Variants in SPG11 observed in about 807,000 individuals in gnomAD.
The protein encoded by SPG11 is spatacsin.
SPG11 carries 222 observed loss-of-function variants against 274.0 expected under a neutral mutation model. The observed-to-expected ratio is 0.81, with a 90% CI of 0.73 to 0.91. The LOEUF (loss-of-function observed/expected upper bound fraction) is 0.91. Among genes scored for constraint, SPG11 ranks in the 40% least tolerant of loss-of-function variants. SPG11 has a pLI of 0.00. For synonymous variants in SPG11, 1,144 were observed against 1,039.7 expected, an observed-to-expected ratio of 1.10 and a Z score of -1.93; for missense variants, 3,114 against 2,872.7, an observed-to-expected ratio of 1.08 and a Z score of -1.92.
At chr15:44,600,745 C>T (rs1310745558) in intron 20 of SPG11, 113 bp from the exon 21 acceptor site, 1 of 1,130,466 alleles carries the variant, frequency 8.8e-7, no homozygotes, top group East Asian at 2.5e-5. Context: ...TTTTGCATCA[C>T]TACGTATCAC....
At chr15:44,606,338 C>T (rs780687802) in intron 19 of SPG11, among the ~76,000 whole-genome samples, 2 of 152,086 alleles carry the variant, frequency 1.3e-5, no homozygotes, top group Non-Finnish European at 2.9e-5. Context: ...AAACTATGTC[C>T]GCAAAGGCTA....
At chr15:44,594,189 G>A (rs2082973634) in intron 26 of SPG11, among the ~76,000 whole-genome samples, 1 of 151,846 alleles carries the variant, frequency 6.6e-6, no homozygotes, top group African/African-American at 2.4e-5. Flanking sequence ...CGCTTTGGGA[G>A]GCCGAGGTGG....
intron 7 of SPG11, among the ~76,000 whole-genome samples, chr15:44,640,468 T>C (rs901297651): frequency 3.9e-5 from 6 of 152,286 alleles, no homozygotes; most frequent in African/African-American, 1.4e-4. Context: ...AATGTAATTC[T>C]AATATAAATC....
At chr15:44,636,251 T>C (rs2084247055) in intron 7 of SPG11, among the ~76,000 whole-genome samples, 4 of 151,926 alleles carry the variant, frequency 2.6e-5, no homozygotes, top group Non-Finnish European at 5.9e-5. Context: ...CAAAAAAAGA[T>C]AAACTAGAAA....
intron 15 of SPG11, among the ~76,000 whole-genome samples, chr15:44,617,168 G>A (rs141391293): frequency 9.8e-4 from 149 of 152,272 alleles, no homozygotes; most frequent in Non-Finnish European, 1.5e-3. Flanking sequence ...CTCTCTCTGT[G>A]CTGGGTGACT....
chr15:44,661,459 C>T (rs1320646610), intron 1 of SPG11, among the ~76,000 whole-genome samples: 1 of 152,012 alleles, frequency 6.6e-6, no homozygotes, highest in Non-Finnish European at 1.5e-5. Flanking sequence ...GTGTTTTATA[C>T]TTCTAGAGTA....
At chr15:44,585,982 TG>T (rs370338778) in intron 28 of SPG11, 132 bp from the exon 29 acceptor site, 73 of 600,380 alleles carry the variant, frequency 1.2e-4, no homozygotes, top group South Asian at 1.8e-4. Flanking sequence ...AATAAAAAGC[TG>T]TTTTTTTTTT....
rs1567170353 is a variant in SPG11 at position 44,622,767 on chromosome 15, G to T, written c.2277C>A (p.Ile759=). 1 of 1,613,720 alleles carries T rather than the reference G, an allele frequency of 6.2e-7. No homozygotes were observed. The highest frequency in any genetic ancestry group is 8.5e-7 in the Non-Finnish European group (1 of 1,179,790). Reference sequence around the variant, plus strand: ...TATTTTTATTAGTTGTATAGAAGCAGATCTTGAGCAATTGGCCTTTTACAT... The same window carrying T: ...TATTTTTATTAGTTGTATAGAAGCATATCTTGAGCAATTGGCCTTTTACAT... The part of the protein sequence containing the change: ...GFDVKGQLLK[I]CFYTTNKNIR... The change falls in exon 12 of 40, where the codon ATC becomes ATA. Residue 759 remains isoleucine, a synonymous_variant. Coordinates refer to ENST00000261866, the MANE Select transcript of SPG11 (RefSeq NM_025137.4).
intron 8 of SPG11, among the ~76,000 whole-genome samples, chr15:44,632,363 G>A (rs905236905): frequency 1.1e-4 from 16 of 152,056 alleles, no homozygotes. Context: ...TTAACAAGGG[G>A]AAAATATACT....
At chr15:44,649,128 T>C in intron 6 of SPG11, 117 bp from the exon 7 acceptor site, 1 of 793,918 alleles carries the variant, frequency 1.3e-6, no homozygotes. Context: ...TATATTTATA[T>C]TTACTGGATA....
At chr15:44,639,466 G>A (rs1158073803) in intron 7 of SPG11, among the ~76,000 whole-genome samples, 2 of 152,120 alleles carry the variant, frequency 1.3e-5, no homozygotes, top group African/African-American at 4.8e-5. Flanking sequence ...CACTTCTGAA[G>A]GTCGAGGAGG....
Position 44,628,971 on chromosome 15 carries a change from G to A in SPG11, c.1892-127C>T, listed in dbSNP as rs1567174771. Reference sequence around the variant, plus strand: ...TTTTTAAATTTCAAACAATATGTCTGAGGATTTTCCTTTTTACAAGTAAGT... The same window carrying A: ...TTTTTAAATTTCAAACAATATGTCTAAGGATTTTCCTTTTTACAAGTAAGT... On this transcript the variant is annotated intron_variant, in intron 9 of 39. Transcript: ENST00000261866. The A allele has an allele frequency of 3.0e-6, 3 of 1,013,804 alleles. No homozygotes were observed. In the East Asian group the frequency reaches 7.6e-5, roughly 26 times the overall value. 62.8% of individuals were successfully genotyped at this position (1,013,804 alleles called of 1,614,324 possible). A position where few individuals can be genotyped will look rare whatever the true frequency, so the allele number is the denominator to read the frequency against.
At chr15:44,614,325 A>G (rs2083537801) in intron 16 of SPG11, among the ~76,000 whole-genome samples, 2 of 152,026 alleles carry the variant, frequency 1.3e-5, no homozygotes, top group South Asian at 4.1e-4. Context: ...TCCTAGGCTC[A>G]AAGTAATCCT....
Position 44,613,472 on chromosome 15 carries a change from C to G in SPG11, c.3103G>C (p.Glu1035Gln). 6.2e-7 allele frequency: 1 copy of G among 1,613,902 alleles called. No individual in the cohort carries two copies. The highest frequency in any genetic ancestry group is 1.1e-5 in the South Asian group (1 of 91,032). ...ACTTGTCGACACTGAACTAAAAATT[C>G]AAACCAAGGGTGTGCTTCATGTAAC... ...KELHEAHPWF[E>Q]FLVQCRQVAS... is the part of the protein sequence containing the mutation. Residue 1035 changes from glutamate to glutamine, a missense_variant, in exon 17 of 40, where the codon GAA becomes CAA. Physicochemically the swap from Glu to Gln is conservative, Grantham distance 29. Transcript: ENST00000261866.
chr15:44,644,470 C>T (rs2084548819), intron 7 of SPG11, among the ~76,000 whole-genome samples: 1 of 152,124 alleles, frequency 6.6e-6, no homozygotes, highest in Admixed American at 6.6e-5. Flanking sequence ...CAACATCATA[C>T]TGAATGGGCA....
At chr15:44,575,131 T>C (rs1017675331) in intron 30 of SPG11, 90 bp from the exon 31 acceptor site, 2 of 1,510,300 alleles carry the variant, frequency 1.3e-6, no homozygotes, top group Non-Finnish European at 1.8e-6. Context: ...TGCTTGAAGC[T>C]CCCTGCACTG....
At chr15:44,570,479 C>G (rs1397883919) in intron 34 of SPG11, 46 bp downstream of exon 34, 11 of 1,613,200 alleles carry the variant, frequency 6.8e-6, no homozygotes, top group Non-Finnish European at 8.5e-6. Context: ...CTACTACTCT[C>G]AAAGGTTTCC....
chr15:44,616,333 G>A (rs967267858), intron 15 of SPG11, among the ~76,000 whole-genome samples: 1 of 151,548 alleles, frequency 6.6e-6, no homozygotes, highest in Admixed American at 6.6e-5. Flanking sequence ...AGCCATCTGA[G>A]TAGCTGGGAC....
Position 44,618,496 on chromosome 15 carries a change from G to A in SPG11, c.2834+1694C>T, listed in dbSNP as rs1416011064. Among the ~76,000 whole-genome samples, 78 of 117,326 alleles carry A rather than the reference G, an allele frequency of 6.6e-4. 1 individual carries two copies. The East Asian group carries it at 0.017, about 26-fold the overall frequency. 77.0% of individuals were successfully genotyped at this position (117,326 alleles called of 152,430 possible). ...AGCGCCACTGCACTCCATCCTGGGC[G>A]ACAGAGTGAGACTCCATCTCAAAAA... On this transcript the variant is annotated intron_variant, in intron 15 of 39. Transcript: ENST00000261866.
Sources: gnomAD v4.1 joint callset for allele counts (sites outside exome capture counted in the v4.1 genomes callset) on GRCh38, gnomAD v4.1.1 for gene constraint, MANE v1.5 for transcripts, NCBI Gene and HGNC (gene_info 2026-07-23, HGNC 2026-07-21) for gene names.